LIPN: variants seen among roughly 807,000 people sequenced by gnomAD.
LIPN encodes the protein lipase member N.
LIPN carries 32 observed loss-of-function variants against 43.7 expected under a neutral mutation model. That is an observed-to-expected ratio of 0.73 (90% CI 0.55 to 0.98). LIPN has a LOEUF of 0.98. Ranked by LOEUF, LIPN falls within the 50% of genes least tolerant of loss-of-function variation. The pLI, the probability that LIPN is intolerant of heterozygous loss-of-function variation, is 0.00. For missense variants in LIPN, 505 were observed against 483.8 expected, an observed-to-expected ratio of 1.04 and a Z score of -0.41; for synonymous variants, 156 against 157.6, an observed-to-expected ratio of 0.99 and a Z score of 0.08.
intron 7 of LIPN, 70 bp from the exon 8 acceptor site, chr10:88,774,403 A>G (rs946141194): frequency 2.1e-6 from 2 of 935,102 alleles, no homozygotes; most frequent in Non-Finnish European, 3.5e-6. Flanking sequence ...TCTGTGCATC[A>G]TTTTTCTCTG....
At chr10:88,758,543 A>G (rs1007528747), upstream of LIPN, among the ~76,000 whole-genome samples, 5 of 148,868 alleles carry the variant, frequency 3.4e-5, no homozygotes, top group African/African-American at 1.2e-4. Context: ...TATTATATAG[A>G]AAATATATAT....
intron 9 of LIPN, among the ~76,000 whole-genome samples, chr10:88,776,230 A>C (rs1377497612): frequency 2.6e-5 from 4 of 152,082 alleles, no homozygotes; most frequent in African/African-American, 9.7e-5. Flanking sequence ...AGAAAAAAAA[A>C]CAGTAAATGT....
At chr10:88,773,907 C>A (rs1843251986) in intron 7 of LIPN, among the ~76,000 whole-genome samples, 1 of 151,806 alleles carries the variant, frequency 6.6e-6, no homozygotes. Context: ...ACTGAAATAA[C>A]CTTTGGAAAA....
chr10:88,760,616 A>G (rs1291811363), intron 1 of LIPN, among the ~76,000 whole-genome samples: 2 of 152,136 alleles, frequency 1.3e-5, no homozygotes, highest in South Asian at 2.1e-4. Context: ...ACACTGCACT[A>G]AATGTTATAT....
chr10:88,762,159 C>A, intron 2 of LIPN, 29 bp from the exon 3 acceptor site: 2 of 1,162,416 alleles, frequency 1.7e-6, no homozygotes, highest in East Asian at 2.4e-5. Context: ...TGGAGAAGTT[C>A]CACTAACGAC....
chr10:88,771,352 C>A (rs1047392310), intron 7 of LIPN, among the ~76,000 whole-genome samples: 11 of 151,712 alleles, frequency 7.3e-5, no homozygotes, highest in Non-Finnish European at 1.6e-4. Flanking sequence ...GCATGCCAGA[C>A]TTTAGTCCTT....
In LIPN at chr10:88,768,869, T is replaced by C. The variant is rs752619542; in HGVS notation, c.613T>C (p.Phe205Leu). ...MNFALGPTIS[F>L]KYPTGIFTRF... ...TTTTGCCTTGGGTCCTACGATCTCA[T>C]TCAAATATCCCACGGGCATTTTTAC... Residue 205 changes from phenylalanine (F) to leucine (L), a missense_variant, in exon 6 of 10, where the codon TTC (phenylalanine) becomes CTC (leucine). By Grantham distance (22) the Phe-to-Leu change is conservative. Transcript: ENST00000404459. 1 of 1,611,668 alleles carries C rather than the reference T, an allele frequency of 6.2e-7. No individual in the cohort carries two copies. Among genetic ancestry groups the C allele is most frequent in the Non-Finnish European group, 8.5e-7 (1 of 1,178,468 alleles).
chr10:88,766,970 G>GT (rs1298761383), intron 5 of LIPN, among the ~76,000 whole-genome samples: 3 of 151,856 alleles, frequency 2.0e-5, no homozygotes, highest in Non-Finnish European at 2.9e-5. Context: ...AATTTCTAAA[G>GT]TTTTTTAAGC....
At chr10:88,773,587 CAAG>C (rs985020821) in intron 7 of LIPN, among the ~76,000 whole-genome samples, 11 of 151,648 alleles carry the variant, frequency 7.3e-5, no homozygotes, top group African/African-American at 2.7e-4. Flanking sequence ...ATTGAGAATT[CAAG>C]AAGAAGGAGG....
At chr10:88,769,839 G>A (rs1224766472) in intron 6 of LIPN, among the ~76,000 whole-genome samples, 2 of 151,962 alleles carry the variant, frequency 1.3e-5, no homozygotes, top group Middle Eastern at 3.4e-3. Context: ...TTTACTGAGA[G>A]CACAAATGAT....
upstream of LIPN, among the ~76,000 whole-genome samples, chr10:88,758,171 T>C (rs1178210401): frequency 2.6e-5 from 4 of 152,028 alleles, no homozygotes; most frequent in East Asian, 5.8e-4. Context: ...ATAATAATCA[T>C]TTTTACAGGT....
Position 88,764,515 on chromosome 10 carries a change from G to A in LIPN, c.332G>A (p.Gly111Asp), listed in dbSNP as rs1564579922. 3.1e-6 allele frequency: 5 copies of A among 1,612,116 alleles called. No homozygotes were observed. The highest frequency in any genetic ancestry group is 3.4e-6 in the Non-Finnish European group (4 of 1,178,930). Residue 111 changes from glycine (G) to aspartate (D), a missense_variant, in exon 4 of 10, where the codon GGT becomes GAT. Coordinates refer to ENST00000404459, the MANE Select transcript of LIPN (RefSeq NM_001102469.2). The part of the protein sequence containing the change: ...GSLGFLLADA[G>D]YDVWMGNSRG... ...CTTGGATTCCTTCTAGCAGATGCAGGTTATGATGTATGGATGGGAAACAGT... is the reference window on the plus strand; with the variant it reads ...CTTGGATTCCTTCTAGCAGATGCAGATTATGATGTATGGATGGGAAACAGT...
At chr10:88,767,644 C>CAAAAAAAAAAAAAAAA (rs61646268) in intron 5 of LIPN, among the ~76,000 whole-genome samples, 5 of 61,484 alleles carry the variant, frequency 8.1e-5, no homozygotes, top group Non-Finnish European at 1.2e-4. Flanking sequence ...ACTTGATCTG[C>CAAAAAAAAAAAAAAAA]AAAAAAAAAA....
intron 5 of LIPN, among the ~76,000 whole-genome samples, 179 bp downstream of exon 5, chr10:88,766,557 C>T (rs1430493483): frequency 2.0e-5 from 3 of 151,880 alleles, no homozygotes; most frequent in Non-Finnish European, 4.4e-5. Context: ...AGTGCACAGA[C>T]TATATGTAGG....
At chr10:88,770,816 T>A in intron 6 of LIPN, 29 bp from the exon 7 acceptor site, 2 of 1,333,206 alleles carry the variant, frequency 1.5e-6, no homozygotes, top group Non-Finnish European at 2.1e-6. Flanking sequence ...TTTATCTCAT[T>A]CAAAGATAAT....
rs377309616 is a variant in LIPN at position 88,766,344 on chromosome 10, G to A, written c.501G>A (p.Leu167=). 1.0e-5 allele frequency: 16 copies of A among 1,607,748 alleles called. No individual in the cohort carries two copies. Among genetic ancestry groups the A allele is most frequent in the Non-Finnish European group, 1.3e-5 (15 of 1,175,054 alleles). ...FIVNKTGQEK[L]YFIGHSLGTT... Reference sequence around the variant, plus strand: ...TAAATAAAACTGGTCAGGAGAAATTGTATTTCATTGGACATTCACTTGGCA... The same window carrying A: ...TAAATAAAACTGGTCAGGAGAAATTATATTTCATTGGACATTCACTTGGCA... Residue 167 remains leucine (L), a synonymous_variant, in exon 5 of 10, where the codon TTG becomes TTA. Transcript: ENST00000404459.
intron 5 of LIPN, among the ~76,000 whole-genome samples, chr10:88,767,403 G>T (rs1362282277): frequency 6.6e-6 from 1 of 151,594 alleles, no homozygotes; most frequent in African/African-American, 2.4e-5. Context: ...TATGTGTAGG[G>T]TCTTGTGTTC....
Position 88,768,926 on chromosome 10 carries a change from A to G in LIPN, c.670A>G (p.Lys224Glu), listed in dbSNP as rs774714375. Residue 224 changes from lysine to glutamate, a missense_variant and splice_region_variant, in exon 6 of 10, where the codon AAG becomes GAG. Transcript: ENST00000404459. Reference sequence around the variant, plus strand: ...TTTTCTACTTCCAAATTCCATAATCAAGGTAGGCTCCTTTCAACAAAATGT... The same window carrying G: ...TTTTCTACTTCCAAATTCCATAATCGAGGTAGGCTCCTTTCAACAAAATGT... ...RFFLLPNSII[K>E]AVFGTKGFFL... 1 of 1,610,874 alleles carries G rather than the reference A, an allele frequency of 6.2e-7. No homozygotes were observed. Among genetic ancestry groups the G allele is most frequent in the East Asian group, 2.2e-5 (1 of 44,774 alleles).
intron 3 of LIPN, among the ~76,000 whole-genome samples, chr10:88,764,097 T>A (rs540676860): frequency 1.3e-5 from 2 of 152,106 alleles, no homozygotes; most frequent in South Asian, 4.1e-4. Context: ...TGTTTCCATA[T>A]CTACAAAATG....
Sources: gnomAD v4.1 joint callset for allele counts (sites outside exome capture counted in the v4.1 genomes callset) on GRCh38, gnomAD v4.1.1 for gene constraint, MANE v1.5 for transcripts, NCBI Gene and HGNC (gene_info 2026-07-23, HGNC 2026-07-21) for gene names.